Variants in CNTN4 observed in about 807,000 individuals in gnomAD.
The protein encoded by CNTN4 is contactin 4.
CNTN4 carries 77 observed loss-of-function variants against 122.5 expected under a neutral mutation model. That is an observed-to-expected ratio of 0.63 (90% confidence interval 0.52 to 0.76). CNTN4 has a LOEUF of 0.76. CNTN4 is among the 30% of genes least tolerant of loss of function. The pLI is 0.00. For synonymous variants in CNTN4, 512 were observed against 447.0 expected (o/e 1.15, Z -1.83); for missense variants, 1,256 against 1,259.1 (o/e 1.00, Z 0.04).
intron 4 of CNTN4, among the ~76,000 whole-genome samples, chr3:2,721,017 G>C (rs2087819179): frequency 6.6e-6 from 1 of 152,000 alleles, no homozygotes; most frequent in African/African-American, 2.4e-5. Flanking sequence ...CTGTTGACCA[G>C]GCTGGAGTGC....
rs911466227 is a variant in CNTN4, at chr3:2,407,271, G to C, written c.-89+68038G>C. ...CTTGTAATTTATTTAGCTTGAAACA[G>C]AGGGAAAAAATTGAGATTAATCAGT... On this transcript the variant is annotated intron_variant, in intron 3 of 24. Transcript: ENST00000418658. Among the ~76,000 whole-genome samples, 9 of 152,140 alleles carry C rather than the reference G, an allele frequency of 5.9e-5. No individual in the cohort carries two copies. The East Asian group carries it at 1.5e-3, about 26-fold the overall frequency.
intron 24 of CNTN4, 58 bp downstream of exon 24, chr3:3,054,033 A>G: frequency 1.3e-6 from 2 of 1,564,320 alleles, no homozygotes; most frequent in Non-Finnish European, 1.8e-6. Context: ...TCAGCCTTCC[A>G]GATGAGTCAG....
intron 2 of CNTN4, among the ~76,000 whole-genome samples, chr3:2,197,691 A>G (rs903417790): frequency 9.9e-5 from 15 of 152,020 alleles, no homozygotes; most frequent in African/African-American, 3.6e-4. Flanking sequence ...AAAAAATGAG[A>G]GATGATGGAT....
chr3:2,798,342 A>G (rs2092256119), intron 6 of CNTN4, among the ~76,000 whole-genome samples: 2 of 26,810 alleles, frequency 7.5e-5, no homozygotes, highest in South Asian at 3.5e-3. Context: ...CTGTATATAT[A>G]CATACTATAT....
At chr3:2,188,817 T>C (rs1053540591) in intron 2 of CNTN4, among the ~76,000 whole-genome samples, 1 of 152,140 alleles carries the variant, frequency 6.6e-6, no homozygotes, top group African/African-American at 2.4e-5. Flanking sequence ...GGGCTTTACA[T>C]TGAATAAACA....
intron 3 of CNTN4, among the ~76,000 whole-genome samples, chr3:2,443,566 C>A (rs547894737): frequency 2.0e-5 from 3 of 152,144 alleles, no homozygotes; most frequent in Non-Finnish European, 4.4e-5. Context: ...GAATACAAAT[C>A]ATCACAAATC....
rs1252236921 is a variant in CNTN4 at position 2,902,889 on chromosome 3, T to C, written c.1091T>C (p.Ile364Thr). 1 of 1,613,506 alleles carries C rather than the reference T, an allele frequency of 6.2e-7. No homozygotes were observed. Among genetic ancestry groups the C allele is most frequent in the Non-Finnish European group, 8.5e-7 (1 of 1,179,688 alleles). ...EPLLTRDRIQ[I>T]EQGTLNITIV... The stretch of plus-strand genomic sequence containing the variant: ...TTTCTTTCACAGGATAGAATTCAAA[T>C]TGAGCAAGGAACACTCAACATAACA... Residue 364 changes from isoleucine (I) to threonine (T), a missense_variant, in exon 12 of 25, where the codon ATT becomes ACT. Coordinates refer to ENST00000418658, the MANE Select transcript of CNTN4 (RefSeq NM_175607.3).
chr3:2,729,705 G>A (rs2088532031), intron 4 of CNTN4, among the ~76,000 whole-genome samples: 1 of 152,042 alleles, frequency 6.6e-6, no homozygotes, highest in African/African-American at 2.4e-5. Context: ...ACAAGGTCAG[G>A]AGTTCGAGAC....
chr3:2,432,578 CTGTG>C (rs1008359857), intron 3 of CNTN4, among the ~76,000 whole-genome samples: 2 of 150,908 alleles, frequency 1.3e-5, no homozygotes, highest in Admixed American at 1.3e-4. Flanking sequence ...GTATTCCACC[CTGTG>C]TGTGTGTGTA....
At chr3:2,888,623 C>T (rs1449600846) in intron 10 of CNTN4, among the ~76,000 whole-genome samples, 1 of 151,960 alleles carries the variant, frequency 6.6e-6, no homozygotes, top group East Asian at 1.9e-4. Flanking sequence ...CATGACTCCT[C>T]CTGTAGCTTA....
chr3:2,533,652 G>A (rs948747899), intron 3 of CNTN4, among the ~76,000 whole-genome samples: 7 of 152,176 alleles, frequency 4.6e-5, no homozygotes, highest in African/African-American at 1.4e-4. Flanking sequence ...TATATACCCA[G>A]TAATGGGATG....
At chr3:2,566,880 G>C (rs534293331) in intron 3 of CNTN4, among the ~76,000 whole-genome samples, 2 of 152,144 alleles carry the variant, frequency 1.3e-5, no homozygotes, top group African/African-American at 4.8e-5. Context: ...AACATACTCT[G>C]TTGGAAGTAT....
intron 12 of CNTN4, among the ~76,000 whole-genome samples, chr3:2,920,875 G>T (rs114684168): frequency 0.013 from 2,054 of 152,224 alleles, 44 homozygotes; most frequent in African/African-American, 0.047. Flanking sequence ...AGCATTATTA[G>T]AGCCATCAGG....
rs79618845 is a variant in CNTN4 at position 2,948,500 on chromosome 3, G to A, written c.1358+22721G>A. 2.8e-3 allele frequency among the ~76,000 whole-genome samples: 423 copies of A among 152,280 alleles called. 1 individual carries two copies. Among genetic ancestry groups the A allele is most frequent in the African/African-American group, 9.5e-3 (394 of 41,558 alleles). On this transcript the variant is annotated intron_variant, in intron 13 of 24. Transcript: ENST00000418658. ...TTATTGACCCTCCATTGCATGTTAG[G>A]CTCGCAGGAAAATCTGTATCTGCAG...
chr3:2,605,871 G>A (rs533458847), intron 4 of CNTN4, among the ~76,000 whole-genome samples: 14 of 152,130 alleles, frequency 9.2e-5, no homozygotes, highest in African/African-American at 2.4e-4. Flanking sequence ...TAAATAATTC[G>A]AATAATAATT....
At chr3:2,487,401 T>G (rs2076193521) in intron 3 of CNTN4, among the ~76,000 whole-genome samples, 1 of 152,202 alleles carries the variant, frequency 6.6e-6, no homozygotes, top group African/African-American at 2.4e-5. Context: ...CAAACTTCCC[T>G]TCCCTCCCTT....
At position 2,973,140 on chromosome 3, in the gene CNTN4, G is replaced by A. The variant is rs182294835; in HGVS notation, c.1359-15205G>A. 1.4e-4 allele frequency among the ~76,000 whole-genome samples: 21 copies of A among 152,090 alleles called. No individual in the cohort carries two copies. The South Asian group carries it at 2.1e-3, about 15-fold the overall frequency. ...AAAGGCTCTTCGTTGAAATGAAATC[G>A]CTTTCTTTGCTACCTAGGGAAGAAA... On this transcript the variant is annotated intron_variant, in intron 13 of 24. Transcript: ENST00000418658.
chr3:3,003,507 A>T (rs1339626471), intron 14 of CNTN4, among the ~76,000 whole-genome samples: 1 of 152,106 alleles, frequency 6.6e-6, no homozygotes, highest in South Asian at 2.1e-4. Context: ...GCCACATACT[A>T]TATGATTCCA....
At chr3:2,774,081 C>G (rs2091216348) in intron 6 of CNTN4, among the ~76,000 whole-genome samples, 1 of 151,836 alleles carries the variant, frequency 6.6e-6, no homozygotes, top group Non-Finnish European at 1.5e-5. Flanking sequence ...GACTTTTGAC[C>G]AAGACAAATA....
Sources: allele counts gnomAD v4.1 joint callset (sites outside exome capture counted in the v4.1 genomes callset), GRCh38; gene constraint gnomAD v4.1.1; transcripts MANE v1.5; gene names NCBI Gene and HGNC (gene_info 2026-07-23, HGNC 2026-07-21).